Variants in DNAJC1 observed in about 807,000 individuals in gnomAD.
DNAJC1 encodes the protein dnaJ homolog subfamily C member 1.
A neutral mutation model predicts 76.6 loss-of-function variants in DNAJC1; 58 were observed. The ratio of observed to expected loss-of-function variants is 0.76; its 90% CI spans 0.61 to 0.94. DNAJC1 has a LOEUF of 0.94. DNAJC1 is among the 40% of genes least tolerant of loss of function. DNAJC1 has a pLI of 0.00. For synonymous variants in DNAJC1, 258 were observed against 267.9 expected (o/e 0.96, Z 0.36); for missense variants, 689 against 677.3 (o/e 1.02, Z -0.19).
At chr10:21,919,338 T>C (rs1837002515) in intron 5 of DNAJC1, among the ~76,000 whole-genome samples, 1 of 152,032 alleles carries the variant, frequency 6.6e-6, no homozygotes, top group Non-Finnish European at 1.5e-5. Context: ...GAAGCATTAC[T>C]CACTGATGTC....
chr10:21,921,379 T>C (rs1195388324), intron 3 of DNAJC1, among the ~76,000 whole-genome samples: 1 of 152,050 alleles, frequency 6.6e-6, no homozygotes, highest in African/African-American at 2.4e-5. Context: ...TACATATTAA[T>C]TGAATCAAAT....
intron 8 of DNAJC1, among the ~76,000 whole-genome samples, chr10:21,877,440 A>G (rs1291604201): frequency 2.6e-5 from 4 of 152,220 alleles, no homozygotes; most frequent in African/African-American, 7.2e-5. Context: ...TATGTGCAAA[A>G]CACTCATTTC....
intron 1 of DNAJC1, among the ~76,000 whole-genome samples, chr10:21,960,521 G>A (rs1837772548): frequency 6.6e-6 from 1 of 152,082 alleles, no homozygotes. Context: ...AGACCAGCCT[G>A]GCCCACATAG....
At chr10:21,961,622 T>G (rs945519267) in intron 1 of DNAJC1, among the ~76,000 whole-genome samples, 3 of 152,188 alleles carry the variant, frequency 2.0e-5, no homozygotes, top group African/African-American at 7.2e-5. Context: ...AGTTTCTGTT[T>G]GGAGTGATGA....
At chr10:21,761,056 T>C (rs1200818398) in intron 10 of DNAJC1, among the ~76,000 whole-genome samples, 1 of 152,160 alleles carries the variant, frequency 6.6e-6, no homozygotes, top group Non-Finnish European at 1.5e-5. Context: ...GGCGCATGCC[T>C]GTCATCCCAA....
At chr10:21,937,129 G>A (rs922639277) in intron 1 of DNAJC1, among the ~76,000 whole-genome samples, 3 of 152,014 alleles carry the variant, frequency 2.0e-5, no homozygotes, top group African/African-American at 7.2e-5. Flanking sequence ...CAGCATTGAA[G>A]GAAATGATGC....
At chr10:21,862,522 G>A (rs982370799) in intron 8 of DNAJC1, among the ~76,000 whole-genome samples, 12 of 145,186 alleles carry the variant, frequency 8.3e-5, no homozygotes, top group African/African-American at 1.5e-4. Context: ...TCTGCCTCCC[G>A]AGTTCAAGCA....
chr10:21,966,139 C>T (rs1159689461), intron 1 of DNAJC1, among the ~76,000 whole-genome samples: 2 of 152,094 alleles, frequency 1.3e-5, no homozygotes, highest in Non-Finnish European at 2.9e-5. Context: ...TTAGGTTACG[C>T]TTTTTTGGGG....
At chr10:21,969,965 C>T (rs1837953230) in intron 1 of DNAJC1, among the ~76,000 whole-genome samples, 1 of 151,550 alleles carries the variant, frequency 6.6e-6, no homozygotes, top group South Asian at 2.1e-4. Context: ...TGCTGAGTTT[C>T]CAATTTATTC....
chr10:21,981,818 G>C (rs911507560), intron 1 of DNAJC1, among the ~76,000 whole-genome samples: 1 of 152,112 alleles, frequency 6.6e-6, no homozygotes, highest in Non-Finnish European at 1.5e-5. Context: ...TTCACAGCTA[G>C]GCCTCAACCT....
intron 6 of DNAJC1, among the ~76,000 whole-genome samples, chr10:21,913,850 T>C (rs1332760264): frequency 3.9e-5 from 6 of 152,196 alleles, no homozygotes; most frequent in African/African-American, 4.8e-5. Context: ...TCTGTTGATA[T>C]AGTCCAAGTT....
At chr10:21,992,962 T>C (rs1431638358) in intron 1 of DNAJC1, among the ~76,000 whole-genome samples, 3 of 152,204 alleles carry the variant, frequency 2.0e-5, no homozygotes, top group Non-Finnish European at 2.9e-5. Context: ...CAAAGACTTA[T>C]TGATTTCGTC....
At chr10:21,951,798 T>A (rs1837599009) in intron 1 of DNAJC1, among the ~76,000 whole-genome samples, 6 of 152,232 alleles carry the variant, frequency 3.9e-5, no homozygotes, top group Admixed American at 3.9e-4. Context: ...CTTTTACAAG[T>A]TCACTTTGTT....
intron 6 of DNAJC1, among the ~76,000 whole-genome samples, chr10:21,918,375 G>T (rs1473282439): frequency 2.9e-5 from 4 of 138,988 alleles, no homozygotes; most frequent in Non-Finnish European, 3.1e-5. Flanking sequence ...TTCATGTAAA[G>T]TTTTTTTTTT....
chr10:21,832,990 GA>G (rs1835385168), intron 8 of DNAJC1, among the ~76,000 whole-genome samples: 1 of 152,094 alleles, frequency 6.6e-6, no homozygotes, highest in Non-Finnish European at 1.5e-5. Context: ...TTAGTTTCTG[GA>G]ATGTTTTCCC....
intron 1 of DNAJC1, among the ~76,000 whole-genome samples, chr10:21,948,848 T>C (rs1213075772): frequency 6.6e-6 from 1 of 152,180 alleles, no homozygotes; most frequent in African/African-American, 2.4e-5. Context: ...GTACCTCTTT[T>C]TAAAAATGCT....
intron 7 of DNAJC1, among the ~76,000 whole-genome samples, chr10:21,899,125 T>C (rs961330438): frequency 6.6e-6 from 1 of 152,134 alleles, no homozygotes; most frequent in African/African-American, 2.4e-5. Context: ...CACATATCTA[T>C]GCAATCCATC....
intron 1 of DNAJC1, among the ~76,000 whole-genome samples, chr10:21,947,989 C>T (rs1837532717): frequency 6.6e-6 from 1 of 151,822 alleles, no homozygotes; most frequent in Non-Finnish European, 1.5e-5. Context: ...AAGGCAAATA[C>T]ATAGTTTGAT....
chr10:21,813,481 T>C (rs972450115), intron 8 of DNAJC1, among the ~76,000 whole-genome samples: 1 of 151,474 alleles, frequency 6.6e-6, no homozygotes, highest in African/African-American at 2.4e-5. Flanking sequence ...CTGCAAGCTC[T>C]GCCTCCCGGG....
Sources: allele counts gnomAD v4.1 joint callset (sites outside exome capture counted in the v4.1 genomes callset), GRCh38; gene constraint gnomAD v4.1.1; transcripts MANE v1.5; gene names NCBI Gene and HGNC (gene_info 2026-07-23, HGNC 2026-07-21).